LRRIQ3: variants seen among roughly 807,000 people sequenced by gnomAD.
The protein encoded by LRRIQ3 is leucine-rich repeat and IQ domain-containing protein 3.
Under a neutral mutation model 59.3 loss-of-function variants are expected in LRRIQ3, and 75 were observed. The observed-to-expected ratio is 1.26, with a 90% CI of 1.05 to 1.53. LRRIQ3 has a LOEUF of 1.53. Ranked by LOEUF, LRRIQ3 falls within the 40% of genes most tolerant of loss-of-function variation. LRRIQ3 has a pLI of 0.00. For synonymous variants in LRRIQ3, 250 were observed against 231.3 expected (o/e 1.08, Z -0.73); for missense variants, 831 against 710.0 (o/e 1.17, Z -1.94).
rs146581863 is a variant in LRRIQ3, at chr1:74,056,121, G to A, written c.998-14188C>T. ...GATCATGCCACTGCACTCCAGTCTC[G>A]GTGACAGAGTGAGAATCTGTCTCAA... is the stretch of plus-strand genomic sequence containing the variant. On this transcript the variant is annotated intron_variant, in intron 6 of 7. Transcript: ENST00000354431. Among the ~76,000 whole-genome samples, 393 of 150,478 alleles carry A rather than the reference G, an allele frequency of 2.6e-3. 2 individuals are homozygous for A. Among genetic ancestry groups the A allele is most frequent in the African/African-American group, 9.1e-3 (372 of 40,782 alleles).
chr1:74,044,349 C>T (rs1371811534), intron 6 of LRRIQ3, among the ~76,000 whole-genome samples: 2 of 151,914 alleles, frequency 1.3e-5, no homozygotes, highest in Admixed American at 6.6e-5. Context: ...GGCTTGGTGC[C>T]CTCTCGTGAT....
At chr1:74,125,897 C>G (rs757437268) in intron 4 of LRRIQ3, among the ~76,000 whole-genome samples, 2 of 151,764 alleles carry the variant, frequency 1.3e-5, no homozygotes, top group African/African-American at 2.4e-5. Flanking sequence ...CCTTACTCCT[C>G]TATTTTTGGG....
chr1:74,120,662 T>C (rs937018360), intron 4 of LRRIQ3, among the ~76,000 whole-genome samples: 3 of 151,944 alleles, frequency 2.0e-5, no homozygotes, highest in African/African-American at 2.4e-5. Context: ...AGATTTATCT[T>C]ATGTATGGCC....
At chr1:74,117,943 T>C (rs1050667493) in intron 4 of LRRIQ3, among the ~76,000 whole-genome samples, 14 of 152,244 alleles carry the variant, frequency 9.2e-5, no homozygotes, top group African/African-American at 2.6e-4. Context: ...CCTATCTTTT[T>C]ATAATTTAGA....
chr1:74,123,949 G>C (rs941520608), intron 4 of LRRIQ3, among the ~76,000 whole-genome samples: 6 of 151,818 alleles, frequency 4.0e-5, no homozygotes, highest in African/African-American at 1.4e-4. Context: ...TTATACTACA[G>C]AGATATAGTA....
intron 6 of LRRIQ3, among the ~76,000 whole-genome samples, chr1:74,073,538 A>C (rs1468733880): frequency 1.3e-5 from 2 of 151,822 alleles, no homozygotes; most frequent in East Asian, 3.9e-4. Context: ...ACAAACAAAC[A>C]AACAAAATAA....
At chr1:74,125,650 A>G (rs1057301275) in intron 4 of LRRIQ3, among the ~76,000 whole-genome samples, 1 of 151,914 alleles carries the variant, frequency 6.6e-6, no homozygotes, top group African/African-American at 2.4e-5. Context: ...ATAATGCACC[A>G]CATTGATTGA....
In LRRIQ3 at chr1:74,026,664, T is replaced by C; in HGVS notation, c.*149A>G. 1 of 638,936 alleles carries C rather than the reference T, an allele frequency of 1.6e-6. No homozygotes were observed. Among genetic ancestry groups the C allele is most frequent in the Non-Finnish European group, 2.4e-6 (1 of 409,648 alleles). 39.6% of individuals were successfully genotyped at this position (638,936 alleles called of 1,614,324 possible). A position where few individuals can be genotyped will look rare whatever the true frequency, so the allele number is the denominator to read the frequency against. On this transcript the variant is annotated 3_prime_UTR_variant, in exon 8 of 8. Transcript: ENST00000354431. ...ATTATGACCAATAAGAGAAACATTT[T>C]AACTAATCTTTATATTTTTAGAAGA...
intron 6 of LRRIQ3, among the ~76,000 whole-genome samples, chr1:74,050,170 C>T (rs544056223): frequency 1.3e-5 from 2 of 152,046 alleles, no homozygotes; most frequent in African/African-American, 4.8e-5. Flanking sequence ...GATCTGCCCA[C>T]CTCGGCCTCC....
At chr1:74,032,178 GTTAAA>G (rs1401402041) in intron 7 of LRRIQ3, among the ~76,000 whole-genome samples, 1 of 151,756 alleles carries the variant, frequency 6.6e-6, no homozygotes, top group Non-Finnish European at 1.5e-5. Context: ...TTTTAAATGT[GTTAAA>G]TTTAAATGTT....
At chr1:74,132,500 C>A (rs1000823666) in intron 4 of LRRIQ3, among the ~76,000 whole-genome samples, 2 of 152,078 alleles carry the variant, frequency 1.3e-5, no homozygotes, top group African/African-American at 4.8e-5. Flanking sequence ...GAGCATGGTA[C>A]TGGTACCAAA....
At chr1:74,186,972 AG>A (rs1191379744) in intron 1 of LRRIQ3, among the ~76,000 whole-genome samples, 3 of 152,104 alleles carry the variant, frequency 2.0e-5, no homozygotes, top group African/African-American at 7.2e-5. Context: ...ACTAATCATC[AG>A]GGAAATGTAA....
At chr1:74,095,489 T>C (rs1340515894) in intron 5 of LRRIQ3, among the ~76,000 whole-genome samples, 1 of 152,126 alleles carries the variant, frequency 6.6e-6, no homozygotes, top group Non-Finnish European at 1.5e-5. Flanking sequence ...AATGTAACAT[T>C]AGTGAAGTTA....
rs146304949 is a variant in LRRIQ3 at position 74,183,614 on chromosome 1, C to T, written c.71G>A (p.Arg24Lys). ...EEWSHYNENI[R>K]EGQKDFVFVK... ...AAAAACAAAATCTTTTTGACCTTCT[C>T]TTATGTTTTCATTATAGTGACTCCA... The change falls in exon 2 of 8, where the codon AGA becomes AAA. Residue 24 changes from arginine to lysine, a missense_variant. Arg to Lys is a conservative substitution (Grantham distance 26). Coordinates refer to ENST00000354431, the MANE Select transcript of LRRIQ3 (RefSeq NM_001105659.2). The T allele has an allele frequency of 4.7e-5, 75 of 1,611,924 alleles. No individual in the cohort carries two copies. In the East Asian group the frequency reaches 1.7e-3, roughly 36 times the overall value.
intron 5 of LRRIQ3, among the ~76,000 whole-genome samples, chr1:74,099,248 C>A (rs1157342866): frequency 6.6e-6 from 1 of 152,132 alleles, no homozygotes; most frequent in African/African-American, 2.4e-5. Flanking sequence ...CACAGAAATA[C>A]AAACTACCAT....
chr1:74,142,087 G>A (rs1340476434), intron 4 of LRRIQ3, among the ~76,000 whole-genome samples: 2 of 151,756 alleles, frequency 1.3e-5, no homozygotes, highest in Non-Finnish European at 2.9e-5. Context: ...TGGCTATTGT[G>A]AATAATGTTG....
At chr1:74,032,001 A>T (rs1173963391) in intron 7 of LRRIQ3, among the ~76,000 whole-genome samples, 1 of 151,960 alleles carries the variant, frequency 6.6e-6, no homozygotes, top group Non-Finnish European at 1.5e-5. Context: ...ATTAATGGGG[A>T]GTTATATCAT....
chr1:74,111,742 C>T (rs988068172), intron 4 of LRRIQ3, among the ~76,000 whole-genome samples: 2 of 152,084 alleles, frequency 1.3e-5, no homozygotes, highest in African/African-American at 4.8e-5. Context: ...ACAATTTTCT[C>T]TCTTCTTTCC....
chr1:74,054,454 T>C (rs1286844974), intron 6 of LRRIQ3, among the ~76,000 whole-genome samples: 1 of 152,088 alleles, frequency 6.6e-6, no homozygotes, highest in Non-Finnish European at 1.5e-5. Flanking sequence ...ACCGCGATGT[T>C]GGATAAATAT....
Sources: gnomAD v4.1 joint callset for allele counts (sites outside exome capture counted in the v4.1 genomes callset) on GRCh38, gnomAD v4.1.1 for gene constraint, MANE v1.5 for transcripts, NCBI Gene and HGNC (gene_info 2026-07-23, HGNC 2026-07-21) for gene names.